LMLN: variants seen among roughly 807,000 people sequenced by gnomAD.
The protein encoded by LMLN is leishmanolysin like peptidase, also known as leishmanolysin-like peptidase.
A neutral mutation model predicts 92.3 loss-of-function variants in LMLN; 70 were observed. The ratio of observed to expected loss-of-function variants is 0.76; its 90% CI spans 0.63 to 0.92. LMLN has a LOEUF of 0.92. Ranked by LOEUF, LMLN falls within the 40% of genes least tolerant of loss-of-function variation. The pLI, the probability that LMLN is intolerant of heterozygous loss-of-function variation, is 0.00. For missense variants in LMLN, 691 were observed against 814.6 expected, an observed-to-expected ratio of 0.85 and a Z score of 1.85; for synonymous variants, 308 against 296.2, an observed-to-expected ratio of 1.04 and a Z score of -0.41.
rs146702410 is a variant in LMLN, at chr3:198,014,920, C to T, written c.1233-4333C>T. 2.2e-3 allele frequency among the ~76,000 whole-genome samples: 306 copies of T among 138,180 alleles called. 4 individuals carry two copies. The highest frequency in any genetic ancestry group is 8.4e-3 in the African/African-American group (297 of 35,270). The allele number at this position is 138,180 out of a possible 152,430, so 90.7% of individuals were successfully genotyped here. On this transcript the variant is annotated intron_variant, in intron 11 of 15. Coordinates refer to ENST00000330198, the Ensembl canonical transcript of LMLN. ...TGACTTCTCTCCACCCATCAGAGCCCCCTAAGTAGTCTGACTTCTCTCCAC... is the reference window on the plus strand; with the variant it reads ...TGACTTCTCTCCACCCATCAGAGCCTCCTAAGTAGTCTGACTTCTCTCCAC...
At chr3:197,985,973 C>T in intron 8 of LMLN, 83 bp downstream of exon 8, 2 of 810,950 alleles carry the variant, frequency 2.5e-6, no homozygotes, top group East Asian at 2.5e-5. Flanking sequence ...ATATTAGATG[C>T]CATAAATAAT....
At chr3:198,006,728 T>C (rs549247696) in intron 11 of LMLN, among the ~76,000 whole-genome samples, 26 of 152,244 alleles carry the variant, frequency 1.7e-4, no homozygotes, top group Non-Finnish European at 2.9e-4. Flanking sequence ...TTTTTTTTTT[T>C]CTGAGATGGA....
At chr3:198,017,428 G>C (rs1290677713) in intron 11 of LMLN, among the ~76,000 whole-genome samples, 1 of 151,004 alleles carries the variant, frequency 6.6e-6, no homozygotes, top group Non-Finnish European at 1.5e-5. Context: ...ATACTTCTTT[G>C]AATCACTTGA....
intron 1 of LMLN, among the ~76,000 whole-genome samples, chr3:197,961,469 G>A (rs1256777361): frequency 2.0e-5 from 3 of 152,004 alleles, no homozygotes; most frequent in African/African-American, 7.3e-5. Context: ...TATTAACTTC[G>A]GAGTTTATAG....
intron 12 of LMLN, 43 bp from the exon 14 acceptor site, chr3:198,021,403 G>T: frequency 6.3e-7 from 1 of 1,590,270 alleles, no homozygotes. Flanking sequence ...ATTTTATACA[G>T]AATGTTTCTT....
chr3:197,987,789 C>T (rs1289289790), intron 8 of LMLN, among the ~76,000 whole-genome samples: 8 of 152,250 alleles, frequency 5.3e-5, no homozygotes, highest in African/African-American at 1.7e-4. Context: ...AGCACATTCC[C>T]ACCAGGTGTG....
In LMLN at chr3:197,971,445, A is replaced by G. The variant is rs188958298; in HGVS notation, c.220-2932A>G. ...GATCCAGTCACCTCCTTCCCTTGAC[A>G]TGTGGGATTACAATTTAAGATGCAA... On this transcript the variant is annotated intron_variant, in intron 1 of 15. Coordinates refer to ENST00000330198, the Ensembl canonical transcript of LMLN. Among the ~76,000 whole-genome samples, 7 of 152,366 alleles carry G rather than the reference A, an allele frequency of 4.6e-5. No homozygotes were observed. The East Asian group carries it at 1.3e-3, about 29-fold the overall frequency.
intron 12 of LMLN, among the ~76,000 whole-genome samples, chr3:198,021,066 C>A (rs1265759400): frequency 6.6e-6 from 1 of 151,942 alleles, no homozygotes; most frequent in African/African-American, 2.4e-5. Flanking sequence ...GTATAAACTG[C>A]CTCCTAAAAA....
At chr3:198,013,482 C>T (rs370784550) in intron 11 of LMLN, among the ~76,000 whole-genome samples, 5 of 139,206 alleles carry the variant, frequency 3.6e-5, no homozygotes, top group Non-Finnish European at 6.1e-5. Context: ...AGCCCCCTAA[C>T]TAGTCTGACT....
At chr3:197,984,939 A>G (rs1242774350) in intron 7 of LMLN, among the ~76,000 whole-genome samples, 1 of 151,938 alleles carries the variant, frequency 6.6e-6, no homozygotes, top group Non-Finnish European at 1.5e-5. Flanking sequence ...CAGCCTCCCA[A>G]AGTGCTGGGA....
intron 12 of LMLN, among the ~76,000 whole-genome samples, chr3:198,021,048 A>G (rs1374982396): frequency 6.6e-6 from 1 of 152,058 alleles, no homozygotes; most frequent in East Asian, 1.9e-4. Flanking sequence ...CAAGTTTGTC[A>G]AAACAACGTA....
In LMLN at chr3:197,991,111, C is replaced by CT. The variant is rs56713833; in HGVS notation, c.1047+450dup. Among the ~76,000 whole-genome samples, 429 of 137,864 alleles carry CT rather than the reference C, an allele frequency of 3.1e-3. 5 individuals carry two copies. The highest frequency in any genetic ancestry group is 8.3e-3 in the African/African-American group (306 of 36,878). The allele number at this position is 137,864 out of a possible 152,430, so 90.4% of individuals were successfully genotyped here. ...TTTTTTTCTTTTATTTTCTTTCTTT[C>CT]TTTTTTTTTTTTTTTGATACAGGGT... On this transcript the variant is annotated intron_variant, in intron 9 of 15. Transcript: ENST00000330198.
intron 6 of LMLN, among the ~76,000 whole-genome samples, chr3:197,983,147 G>A (rs11917898): frequency 0.013 from 1,977 of 152,280 alleles, 43 homozygotes; most frequent in African/African-American, 0.044. Context: ...AAAATATAAA[G>A]TATTTAACAA....
At chr3:197,996,915 G>A (rs1249671386) in intron 10 of LMLN, among the ~76,000 whole-genome samples, 1 of 152,082 alleles carries the variant, frequency 6.6e-6, no homozygotes, top group East Asian at 1.9e-4. Flanking sequence ...CGAAGTAGCT[G>A]GGACCACAGG....
At chr3:197,993,840 C>T (rs1200776762) in intron 9 of LMLN, among the ~76,000 whole-genome samples, 1 of 152,160 alleles carries the variant, frequency 6.6e-6, no homozygotes, top group African/African-American at 2.4e-5. Flanking sequence ...ATGCCTCCAG[C>T]TTTGCAGTAT....
intron 4 of LMLN, chr3:197,976,361 CT>C: frequency 3.4e-5 from 16 of 473,460 alleles, no homozygotes; most frequent in African/African-American, 6.0e-5. Flanking sequence ...TCCAGATCAC[CT>C]TTTTCCCTCT....
chr3:197,999,151 G>A (rs1207279414), intron 10 of LMLN, 115 bp from the exon 11 acceptor site: 14 of 731,652 alleles, frequency 1.9e-5, no homozygotes, highest in Non-Finnish European at 3.1e-5. Flanking sequence ...TTAAGTGAAT[G>A]TCTTGTCAGC....
chr3:197,999,310 T>G (rs1033452541), exon 11 of LMLN: 24 of 1,613,456 alleles, frequency 1.5e-5, no homozygotes, highest in Non-Finnish European at 1.9e-5. Context: ...GAGTACTCTC[T>G]CGAATCACTC....
At chr3:197,999,572 G>T in intron 11 of LMLN, 1 of 502,466 alleles carries the variant, frequency 2.0e-6, no homozygotes, top group South Asian at 2.3e-5. Flanking sequence ...CTCCTTCTGC[G>T]CAGGCTGGAG....
Sources: allele counts gnomAD v4.1 joint callset (sites outside exome capture counted in the v4.1 genomes callset), GRCh38; gene constraint gnomAD v4.1.1; transcripts MANE v1.5; gene names NCBI Gene and HGNC (gene_info 2026-07-23, HGNC 2026-07-21).